Variants in WDR7 observed in about 807,000 individuals in gnomAD.
The protein encoded by WDR7 is WD repeat domain 7.
A neutral mutation model predicts 169.4 loss-of-function variants in WDR7; 46 were observed. The observed-to-expected ratio is 0.27, with a 90% CI of 0.21 to 0.35. The LOEUF is 0.35. Ranked by LOEUF, WDR7 falls within the 10% of genes least tolerant of loss-of-function variation. The pLI is 1.00. For missense variants in WDR7, 1,534 were observed against 1,859.3 expected, an observed-to-expected ratio of 0.83 and a Z score of 3.22; for synonymous variants, 612 against 666.8, an observed-to-expected ratio of 0.92 and a Z score of 1.27.
chr18:57,004,667 G>A (rs2048030636), intron 26 of WDR7, among the ~76,000 whole-genome samples: 1 of 152,114 alleles, frequency 6.6e-6, no homozygotes, highest in Non-Finnish European at 1.5e-5. Flanking sequence ...GGAATAGCCA[G>A]GAGTGACACA....
At position 56,879,846 on chromosome 18, in the gene WDR7, T is replaced by G. The variant is rs1041051905; in HGVS notation, c.3305-98T>G. 4.3e-6 allele frequency: 4 copies of G among 940,584 alleles called. No individual in the cohort carries two copies. The Admixed American group carries it at 9.5e-5, about 22-fold the overall frequency. 58.3% of individuals were successfully genotyped at this position (940,584 alleles called of 1,614,324 possible). On this transcript the variant is annotated intron_variant, in intron 20 of 27. Transcript: ENST00000254442. ...TCCTAGTGCCATTTGCTGAAAATGC[T>G]ATTCTTTCCGAACGTGCAGTCCTGA... is the stretch of plus-strand genomic sequence containing the variant.
At chr18:56,909,617 T>G (rs2046526289) in intron 21 of WDR7, among the ~76,000 whole-genome samples, 1 of 152,118 alleles carries the variant, frequency 6.6e-6, no homozygotes, top group African/African-American at 2.4e-5. Context: ...ATATATAACA[T>G]AAGAAGTGAA....
intron 12 of WDR7, among the ~76,000 whole-genome samples, chr18:56,697,832 A>G (rs949976739): frequency 1.3e-5 from 2 of 152,196 alleles, no homozygotes; most frequent in African/African-American, 2.4e-5. Context: ...AGAGAATAAA[A>G]TATTTAAAAT....
intron 21 of WDR7, among the ~76,000 whole-genome samples, chr18:56,910,886 G>A (rs947826156): frequency 6.6e-6 from 1 of 152,122 alleles, no homozygotes; most frequent in South Asian, 2.1e-4. Flanking sequence ...TGTGATTGAC[G>A]TGACTTTTCC....
intron 26 of WDR7, among the ~76,000 whole-genome samples, chr18:57,006,340 T>G (rs997154263): frequency 6.6e-6 from 1 of 151,972 alleles, no homozygotes; most frequent in African/African-American, 2.4e-5. Flanking sequence ...TTCAAGATTG[T>G]AGTTATTTAG....
chr18:57,017,477 CTGTGTGTGTGTGTGTGTGTGTGTG>C (rs57440164), intron 26 of WDR7, among the ~76,000 whole-genome samples: 50 of 134,816 alleles, frequency 3.7e-4, no homozygotes, highest in African/African-American at 1.3e-3. Context: ...CCAAGTCATG[CTGTGTGTGTGTGTGTGTGTGTGTG>C]TGTGTGTGTG....
At chr18:56,812,038 ATCAG>A (rs1226898275) in intron 19 of WDR7, among the ~76,000 whole-genome samples, 1 of 152,210 alleles carries the variant, frequency 6.6e-6, no homozygotes, top group Non-Finnish European at 1.5e-5. Flanking sequence ...AAATCTGTAT[ATCAG>A]TCAATTTGTG....
At chr18:56,924,189 G>GTA (rs1568269233) in intron 22 of WDR7, 81 bp downstream of exon 22, 2 of 1,475,726 alleles carry the variant, frequency 1.4e-6, no homozygotes, top group Non-Finnish European at 1.8e-6. Context: ...TGATCATTCT[G>GTA]TATAGATTGT....
At chr18:56,794,304 A>ATTTTTTTTTTTTTTTTT (rs566857049) in intron 19 of WDR7, among the ~76,000 whole-genome samples, 599 of 49,460 alleles carry the variant, frequency 0.012, 218 homozygotes, top group Non-Finnish European at 0.017. Flanking sequence ...GGTAAAGTCT[A>ATTTTTTTTTTTTTTTTT]TTTTTTTTTT....
chr18:56,927,121 C>A (rs1346787800), intron 22 of WDR7, among the ~76,000 whole-genome samples: 2 of 152,166 alleles, frequency 1.3e-5, no homozygotes, highest in African/African-American at 2.4e-5. Flanking sequence ...GTGTTTCCTA[C>A]TTTCTTCTTA....
intron 2 of WDR7, among the ~76,000 whole-genome samples, chr18:56,674,826 C>T (rs2025210296): frequency 6.6e-6 from 1 of 152,056 alleles, no homozygotes; most frequent in Admixed American, 6.6e-5. Flanking sequence ...TTTAGGTCTT[C>T]GATCCATATT....
intron 19 of WDR7, among the ~76,000 whole-genome samples, chr18:56,811,572 T>C (rs1280942981): frequency 6.6e-6 from 1 of 152,146 alleles, no homozygotes; most frequent in Non-Finnish European, 1.5e-5. Flanking sequence ...ATTTCAGAGA[T>C]TTTCTCCTGA....
At chr18:56,918,082 C>A (rs1353135003) in intron 21 of WDR7, among the ~76,000 whole-genome samples, 3 of 152,152 alleles carry the variant, frequency 2.0e-5, no homozygotes, top group African/African-American at 7.2e-5. Flanking sequence ...TGTTCTGAGT[C>A]TGTCTGCATT....
intron 19 of WDR7, among the ~76,000 whole-genome samples, chr18:56,782,356 G>A (rs944916554): frequency 6.6e-6 from 1 of 152,114 alleles, no homozygotes; most frequent in Non-Finnish European, 1.5e-5. Flanking sequence ...TCTAAAAACA[G>A]TTTAGTTACT....
chr18:56,694,961 A>G lies in WDR7; in HGVS notation c.1120A>G (p.Thr374Ala), dbSNP rs760278925. ...KQGSEEGLAM[T>A]TSISLQEAFD... ...CCAAACCTCTACAGGGCTGGCAATG[A>G]CAACTTCTATTAGTTTGCAAGAGGC... Residue 374 changes from threonine to alanine, a missense_variant, in exon 11 of 28, where the codon ACA becomes GCA. Transcript: ENST00000254442. 5.0e-6 allele frequency: 8 copies of G among 1,613,490 alleles called. No individual in the cohort carries two copies. In the African/African-American group the frequency reaches 1.1e-4, roughly 22 times the overall value.
intron 20 of WDR7, among the ~76,000 whole-genome samples, chr18:56,876,907 G>A (rs1422942358): frequency 6.6e-6 from 1 of 152,150 alleles, no homozygotes; most frequent in Non-Finnish European, 1.5e-5. Context: ...TTGGGGCTGG[G>A]CACAGTGGTT....
At chr18:56,919,321 C>G (rs2046675964) in intron 21 of WDR7, among the ~76,000 whole-genome samples, 1 of 152,186 alleles carries the variant, frequency 6.6e-6, no homozygotes, top group East Asian at 1.9e-4. Flanking sequence ...TCACCCTCCT[C>G]CCACTTCCTG....
Position 56,962,559 on chromosome 18 carries a change from TAAAGCG to T in WDR7, c.4164+31_4164+36del, listed in dbSNP as rs767500521. On this transcript the variant is annotated intron_variant, in intron 26 of 27. Coordinates refer to ENST00000254442, the MANE Select transcript of WDR7 (RefSeq NM_015285.3). ...ATAAATCATTGTGACTTCCTCTCCA[TAAAGCG>T]TGGAAGTTATTGAAAGGAGAGAGAG... is the stretch of plus-strand genomic sequence containing the variant. The T allele has an allele frequency of 2.5e-6, 4 of 1,600,392 alleles. No individual in the cohort carries two copies. The African/African-American group carries it at 5.4e-5, about 21-fold the overall frequency.
intron 12 of WDR7, among the ~76,000 whole-genome samples, chr18:56,712,103 C>T (rs1001313383): frequency 2.0e-5 from 3 of 152,130 alleles, no homozygotes; most frequent in African/African-American, 7.2e-5. Context: ...TTTAGAAAAA[C>T]AAATTAGCAA....
Sources: allele counts gnomAD v4.1 joint callset (sites outside exome capture counted in the v4.1 genomes callset), GRCh38; gene constraint gnomAD v4.1.1; transcripts MANE v1.5; gene names NCBI Gene and HGNC (gene_info 2026-07-23, HGNC 2026-07-21).